The following SYNDIG1 variants were observed in gnomAD, a reference collection of about 807,000 sequenced individuals.
SYNDIG1 encodes synapse differentiation inducing 1, also known as synapse differentiation-inducing gene protein 1.
SYNDIG1 carries 9 observed loss-of-function variants against 19.4 expected under a neutral mutation model. That is an observed-to-expected ratio of 0.46 (90% CI 0.28 to 0.81). The LOEUF (loss-of-function observed/expected upper bound fraction) is 0.81, where lower values mean the gene tolerates loss of function less well. Among genes scored for constraint, SYNDIG1 ranks in the 30% least tolerant of loss-of-function variants. The probability of loss-of-function intolerance (pLI) is 0.12; values close to 1 mark genes in which losing one functional copy is unlikely to be tolerated. For missense variants in SYNDIG1, 311 were observed against 343.3 expected (o/e 0.91, Z 0.74); for synonymous variants, 141 against 145.9 (o/e 0.97, Z 0.24).
chr20:24,656,795 C>T (rs2059529832), intron 3 of SYNDIG1, among the ~76,000 whole-genome samples: 1 of 152,226 alleles, frequency 6.6e-6, no homozygotes, highest in Admixed American at 6.5e-5. Context: ...CCAAGGCTGG[C>T]TTCTCCCTGG....
intron 1 of SYNDIG1, among the ~76,000 whole-genome samples, chr20:24,479,210 G>C (rs1352144593): frequency 6.6e-6 from 1 of 152,172 alleles, no homozygotes; most frequent in African/African-American, 2.4e-5. Context: ...CTCCACCAGA[G>C]CCTGGCCCAG....
intron 1 of SYNDIG1, among the ~76,000 whole-genome samples, chr20:24,537,549 A>C (rs1398057588): frequency 6.9e-6 from 1 of 145,644 alleles, no homozygotes; most frequent in Non-Finnish European, 1.5e-5. Flanking sequence ...CTTCATTCAT[A>C]ACTCCTGCTG....
At chr20:24,563,827 T>C (rs2057990467) in intron 2 of SYNDIG1, among the ~76,000 whole-genome samples, 1 of 152,196 alleles carries the variant, frequency 6.6e-6, no homozygotes, top group African/African-American at 2.4e-5. Context: ...GATCTCACAC[T>C]TTTGGACTCA....
chr20:24,592,843 G>A (rs1273888294), intron 3 of SYNDIG1, among the ~76,000 whole-genome samples: 1 of 152,096 alleles, frequency 6.6e-6, no homozygotes, highest in Non-Finnish European at 1.5e-5. Flanking sequence ...AAACTCCTGG[G>A]CTCAAATGAT....
At chr20:24,599,222 G>A (rs967234845) in intron 3 of SYNDIG1, among the ~76,000 whole-genome samples, 3 of 152,068 alleles carry the variant, frequency 2.0e-5, no homozygotes, top group Non-Finnish European at 4.4e-5. Context: ...GCTAACAGAT[G>A]TATGAAAAAA....
chr20:24,493,515 T>G (rs561795759), intron 1 of SYNDIG1, among the ~76,000 whole-genome samples: 1 of 152,264 alleles, frequency 6.6e-6, no homozygotes, highest in Admixed American at 6.5e-5. Context: ...ACACACACTG[T>G]GGTGAAGTTT....
intron 1 of SYNDIG1, among the ~76,000 whole-genome samples, chr20:24,517,426 T>A (rs2056898711): frequency 6.7e-6 from 1 of 150,328 alleles, no homozygotes. Flanking sequence ...CCATCCTGGC[T>A]AACACGGTGA....
intron 1 of SYNDIG1, among the ~76,000 whole-genome samples, chr20:24,534,619 C>T (rs1318610562): frequency 6.6e-6 from 1 of 152,234 alleles, no homozygotes; most frequent in Non-Finnish European, 1.5e-5. Flanking sequence ...TCCTTCAAGG[C>T]AGCTTTGTCT....
chr20:24,546,901 A>G (rs1038316499), intron 2 of SYNDIG1, among the ~76,000 whole-genome samples: 2 of 152,250 alleles, frequency 1.3e-5, no homozygotes, highest in Non-Finnish European at 2.9e-5. Flanking sequence ...AAAAGAAAAA[A>G]AAATGTGATT....
intron 3 of SYNDIG1, among the ~76,000 whole-genome samples, chr20:24,636,536 A>G (rs887532583): frequency 6.6e-6 from 1 of 152,192 alleles, no homozygotes; most frequent in African/African-American, 2.4e-5. Flanking sequence ...CACACAAAGA[A>G]GCTGGCCACC....
chr20:24,535,674 G>C (rs1568619676), intron 1 of SYNDIG1, among the ~76,000 whole-genome samples: 1 of 152,162 alleles, frequency 6.6e-6, no homozygotes, highest in East Asian at 1.9e-4. Context: ...ATTATCCTTG[G>C]CTATAAAGAT....
chr20:24,540,338 A>G lies in SYNDIG1; in HGVS notation c.-78-2682A>G, dbSNP rs137926066. The stretch of plus-strand genomic sequence containing the variant: ...TTTAGGGTTTTCTATATGTGAGATC[A>G]TACTTCTTCCTTTCCAATTAAGTGC... On this transcript the variant is annotated intron_variant, in intron 1 of 3. Coordinates refer to ENST00000376862, the MANE Select transcript of SYNDIG1 (RefSeq NM_024893.3). Among the ~76,000 whole-genome samples, 46 of 152,300 alleles carry G rather than the reference A, an allele frequency of 3.0e-4. No individual in the cohort carries two copies. In the East Asian group the frequency reaches 8.3e-3, roughly 28 times the overall value.
intron 3 of SYNDIG1, among the ~76,000 whole-genome samples, chr20:24,599,890 A>G (rs1267277388): frequency 6.6e-6 from 1 of 152,186 alleles, no homozygotes; most frequent in African/African-American, 2.4e-5. Flanking sequence ...GTACAGTTAG[A>G]TAGAGGGAAT....
chr20:24,630,551 C>T (rs762668137), intron 3 of SYNDIG1, among the ~76,000 whole-genome samples: 12 of 152,224 alleles, frequency 7.9e-5, no homozygotes, highest in Non-Finnish European at 1.6e-4. Flanking sequence ...GAGTCTATCT[C>T]AAGGGTCTTT....
intron 1 of SYNDIG1, among the ~76,000 whole-genome samples, chr20:24,487,711 G>C (rs770491648): frequency 2.0e-5 from 3 of 152,194 alleles, no homozygotes; most frequent in Non-Finnish European, 4.4e-5. Context: ...GGCCCCATGT[G>C]ATGTGTTTGT....
intron 3 of SYNDIG1, among the ~76,000 whole-genome samples, chr20:24,621,786 A>G (rs1185960038): frequency 1.3e-5 from 2 of 152,212 alleles, no homozygotes; most frequent in African/African-American, 2.4e-5. Flanking sequence ...AAAAACCACA[A>G]GACATATACT....
At chr20:24,594,675 G>A (rs894846188) in intron 3 of SYNDIG1, among the ~76,000 whole-genome samples, 6 of 151,888 alleles carry the variant, frequency 4.0e-5, no homozygotes, top group Admixed American at 1.3e-4. Flanking sequence ...ATATTTTTTC[G>A]GTTGATTGTG....
chr20:24,501,386 G>A (rs1319927876), intron 1 of SYNDIG1, among the ~76,000 whole-genome samples: 1 of 152,212 alleles, frequency 6.6e-6, no homozygotes, highest in Non-Finnish European at 1.5e-5. Flanking sequence ...GCTCTGAGCA[G>A]CAGGAGTGGA....
intron 1 of SYNDIG1, among the ~76,000 whole-genome samples, chr20:24,487,398 A>G (rs186381945): frequency 3.7e-4 from 57 of 152,290 alleles, no homozygotes; most frequent in Non-Finnish European, 7.4e-4. Flanking sequence ...GCAAGAGCCC[A>G]GGTTCACAAG....
Sources: gnomAD v4.1 joint callset for allele counts (sites outside exome capture counted in the v4.1 genomes callset) on GRCh38, gnomAD v4.1.1 for gene constraint, MANE v1.5 for transcripts, NCBI Gene and HGNC (gene_info 2026-07-23, HGNC 2026-07-21) for gene names.